Variants in TCF20 observed in about 807,000 individuals in gnomAD.
The protein encoded by TCF20 is transcription factor 20.
Under a neutral mutation model 148.6 loss-of-function variants are expected in TCF20, and 3 were observed. That is an observed-to-expected ratio of 0.02 (90% CI 0.01 to 0.05). The LOEUF (loss-of-function observed/expected upper bound fraction) is 0.05. TCF20 is among the 10% of genes least tolerant of loss of function. The pLI, the probability that TCF20 is intolerant of heterozygous loss-of-function variation, is 1.00. For synonymous variants in TCF20, 1,049 were observed against 909.5 expected, an observed-to-expected ratio of 1.15 and a Z score of -2.76; for missense variants, 2,350 against 2,429.3, an observed-to-expected ratio of 0.97 and a Z score of 0.69.
At chr22:42,230,092 C>T (rs781593729) in intron 1 of TCF20, among the ~76,000 whole-genome samples, 36 of 152,222 alleles carry the variant, frequency 2.4e-4, no homozygotes, top group Non-Finnish European at 3.2e-4. Flanking sequence ...ATTATTAGTA[C>T]AGCACATGCA....
intron 1 of TCF20, among the ~76,000 whole-genome samples, chr22:42,226,596 T>C (rs1922919877): frequency 6.6e-6 from 1 of 152,008 alleles, no homozygotes; most frequent in Non-Finnish European, 1.5e-5. Context: ...TCCCAGCTAC[T>C]CAGGAGGCTG....
intron 1 of TCF20, among the ~76,000 whole-genome samples, chr22:42,253,383 T>C (rs1039527422): frequency 6.6e-6 from 1 of 152,230 alleles, no homozygotes; most frequent in Admixed American, 6.5e-5. Flanking sequence ...GACGGGCTAG[T>C]ATCAAAATAT....
intron 2 of TCF20, among the ~76,000 whole-genome samples, chr22:42,200,634 T>C (rs1376347853): frequency 8.2e-6 from 1 of 122,504 alleles, no homozygotes; most frequent in Non-Finnish European, 1.7e-5. Flanking sequence ...AGAGCAGGAC[T>C]TCGTCTCAAA....
At chr22:42,323,473 G>A (rs1382480965) in intron 1 of TCF20, among the ~76,000 whole-genome samples, 9 of 151,736 alleles carry the variant, frequency 5.9e-5, no homozygotes, top group Admixed American at 2.6e-4. Flanking sequence ...ACAGGAGGAC[G>A]GTGGAAGAGA....
chr22:42,214,863 C>A lies in TCF20; in HGVS notation c.443G>T (p.Gly148Val), dbSNP rs774024826. ...GTAATCCTGCTGATAATGTGACACACCGCCAAGGCCAGAGTGCTGTGCTTG... is the reference window on the plus strand; with the variant it reads ...GTAATCCTGCTGATAATGTGACACAACGCCAAGGCCAGAGTGCTGTGCTTG... ...QFQAQHSGLG[G>V]VSHYQQDYTG... is the part of the protein sequence containing the mutation. Residue 148 changes from glycine to valine, a missense_variant, in exon 2 of 6, where the codon GGT becomes GTT. Around this residue, in one of 7 missense-constraint regions of TCF20, gnomAD observed 1,641 missense variants for 1,662.6 expected, o/e 0.99. Coordinates refer to ENST00000677622, the MANE Select transcript of TCF20 (RefSeq NM_001378418.1). The A allele has an allele frequency of 3.1e-6, 5 of 1,614,168 alleles. No homozygotes were observed. The highest frequency in any genetic ancestry group is 3.3e-4 in the Middle Eastern group (2 of 6,062).
intron 1 of TCF20, among the ~76,000 whole-genome samples, chr22:42,325,490 C>T (rs915484515): frequency 1.3e-5 from 2 of 152,226 alleles, no homozygotes; most frequent in Non-Finnish European, 2.9e-5. Context: ...AGGGCTGGCA[C>T]CAGCCCAAGC....
intron 1 of TCF20, among the ~76,000 whole-genome samples, chr22:42,339,110 A>G (rs1306528613): frequency 7.9e-5 from 12 of 152,150 alleles, no homozygotes; most frequent in Non-Finnish European, 1.8e-4. Context: ...GTGCTCCCCA[A>G]AGAGTCCGGA....
intron 1 of TCF20, among the ~76,000 whole-genome samples, chr22:42,319,115 C>T (rs1299570888): frequency 2.6e-5 from 4 of 152,182 alleles, no homozygotes; most frequent in Non-Finnish European, 4.4e-5. Context: ...AGAGATGGTG[C>T]TATGGGGACA....
chr22:42,190,122 TG>T (rs561931763), intron 2 of TCF20, among the ~76,000 whole-genome samples: 14 of 151,978 alleles, frequency 9.2e-5, no homozygotes, highest in Admixed American at 4.6e-4. Flanking sequence ...AAGGGCACGG[TG>T]GGGGTATCTT....
chr22:42,331,422 A>C (rs998846516), intron 1 of TCF20, among the ~76,000 whole-genome samples: 3 of 152,232 alleles, frequency 2.0e-5, no homozygotes, highest in Non-Finnish European at 2.9e-5. Context: ...TCTATAGCCC[A>C]CGAGAGAAAG....
At chr22:42,284,531 T>C (rs900755633), upstream of TCF20, among the ~76,000 whole-genome samples, 1 of 152,174 alleles carries the variant, frequency 6.6e-6, no homozygotes, top group Non-Finnish European at 1.5e-5. Flanking sequence ...TGAGCTGGGA[T>C]GTGAGGCCAG....
At position 42,314,405 on chromosome 22, in the gene TCF20, T is replaced by C. The variant is rs564857478; in HGVS notation, c.-37+29074A>G. 1.8e-4 allele frequency among the ~76,000 whole-genome samples: 27 copies of C among 152,226 alleles called. No homozygotes were observed. The South Asian group carries it at 5.4e-3, about 30-fold the overall frequency. On this transcript the variant is annotated intron_variant, in intron 1 of 1. Transcript: ENST00000515426. The stretch of plus-strand genomic sequence containing the variant: ...GAAATTGATGGCCATTGTCAGAAAA[T>C]GATTTCCCCATGGCCACATCGCAGG...
chr22:42,302,882 C>T (rs946682761), intron 1 of TCF20, among the ~76,000 whole-genome samples: 11 of 152,198 alleles, frequency 7.2e-5, no homozygotes, highest in South Asian at 2.1e-4. Context: ...GCACACGGCA[C>T]GGGTTTAATA....
chr22:42,310,120 A>T (rs1413355348), intron 1 of TCF20, among the ~76,000 whole-genome samples: 1 of 152,232 alleles, frequency 6.6e-6, no homozygotes, highest in African/African-American at 2.4e-5. Flanking sequence ...GATGAGGAGG[A>T]AAAAATGAGG....
At chr22:42,167,321 CAAG>C (rs1935848264) in intron 5 of TCF20, among the ~76,000 whole-genome samples, 1 of 152,212 alleles carries the variant, frequency 6.6e-6, no homozygotes, top group Non-Finnish European at 1.5e-5. Context: ...GTAGTGGTAA[CAAG>C]GAGGAGGGCA....
intron 3 of TCF20, among the ~76,000 whole-genome samples, chr22:42,173,666 A>C (rs963774929): frequency 6.6e-6 from 1 of 152,210 alleles, no homozygotes; most frequent in Admixed American, 6.5e-5. Flanking sequence ...ATTTCCAAGA[A>C]GACTGTGTGG....
At position 42,213,215 on chromosome 22, in the gene TCF20, C is replaced by T; in HGVS notation, c.2091G>A (p.Glu697=). ...GCAGACTTCCAGGAGATTTGCTAGG[C>T]TCAGTTCTGCTCGTAAAACCAGGGC... ...AAGPGFTSRT[E]PSKSPGSLRY... is the part of the protein sequence containing the mutation. The change falls in exon 2 of 6, where the codon GAG becomes GAA. Residue 697 remains glutamate, a synonymous_variant. Coordinates refer to ENST00000677622, the MANE Select transcript of TCF20 (RefSeq NM_001378418.1). 6.2e-7 allele frequency: 1 copy of T among 1,614,180 alleles called. No homozygotes were observed. Among genetic ancestry groups the T allele is most frequent in the Non-Finnish European group, 8.5e-7 (1 of 1,180,034 alleles).
Position 42,209,789 on chromosome 22 carries a change from C to T in TCF20, c.5517G>A (p.Glu1839=). The T allele has an allele frequency of 6.2e-7, 1 of 1,614,214 alleles. No homozygotes were observed. The highest frequency in any genetic ancestry group is 8.5e-7 in the Non-Finnish European group (1 of 1,180,044). The change falls in exon 2 of 6, where the codon GAG becomes GAA. Residue 1839 remains glutamate (E), a synonymous_variant. Transcript: ENST00000677622. ...CAAGAGGTAGTTCAGGGATTTGTAA[C>T]TCCAGCTCAGGGCCACCTTCTGAAG... ...PTTSEGGPEL[E]LQIPELPLDS... is the part of the protein sequence containing the mutation.
At chr22:42,207,870 T>C (rs2147187161) in intron 2 of TCF20, among the ~76,000 whole-genome samples, 1 of 149,956 alleles carries the variant, frequency 6.7e-6, no homozygotes, top group Middle Eastern at 3.7e-3. Context: ...AAAGAGAAAA[T>C]AGGAAACAGA....
Sources: gnomAD v4.1 joint callset for allele counts (sites outside exome capture counted in the v4.1 genomes callset) on GRCh38, gnomAD v4.1.1 for gene constraint, gnomAD v4.1.1 regional missense constraint, MANE v1.5 for transcripts, NCBI Gene and HGNC (gene_info 2026-07-23, HGNC 2026-07-21) for gene names.